The following RAB3IP variants were observed in gnomAD, a reference collection of about 807,000 sequenced individuals.
RAB3IP encodes the protein RAB3A interacting protein, also known as rab-3A-interacting protein.
In RAB3IP, 36 loss-of-function variants were observed where a neutral mutation model predicts 59.1. That is an observed-to-expected ratio of 0.61 (90% CI 0.47 to 0.80). The LOEUF is 0.80. RAB3IP is among the 30% of genes least tolerant of loss of function. RAB3IP has a pLI of 0.00. For missense variants in RAB3IP, 511 were observed against 536.0 expected (o/e 0.95, Z 0.46); for synonymous variants, 207 against 191.2 (o/e 1.08, Z -0.68).
chr12:69,755,271 G>T (rs1462416578), intron 1 of RAB3IP, 113 bp from the exon 2 acceptor site: 19 of 983,162 alleles, frequency 1.9e-5, no homozygotes, highest in Non-Finnish European at 2.8e-5. Context: ...CTCTTTTATT[G>T]TAAGCTTATA....
Position 69,817,956 on chromosome 12 carries a change from T to C in RAB3IP, c.*2510T>C, listed in dbSNP as rs1019157577. 1.3e-4 allele frequency: 20 copies of C among 152,278 alleles called. No homozygotes were observed. The highest frequency in any genetic ancestry group is 4.3e-4 in the African/African-American group (18 of 41,554). The allele number at this position is 152,278 out of a possible 1,614,324, so 9.4% of individuals were successfully genotyped here. Reference sequence around the variant, plus strand: ...GGCCTTCCACACAATTAGAAGTGCATGTGGGCCAATAAACATTAAGAGGTT... The same window carrying C: ...GGCCTTCCACACAATTAGAAGTGCACGTGGGCCAATAAACATTAAGAGGTT... On this transcript the variant is annotated 3_prime_UTR_variant, in exon 11 of 11. Coordinates refer to ENST00000247833, the MANE Select transcript of RAB3IP (RefSeq NM_022456.5).
At chr12:69,746,182 G>A (rs1868339590) in intron 1 of RAB3IP, among the ~76,000 whole-genome samples, 1 of 152,016 alleles carries the variant, frequency 6.6e-6, no homozygotes, top group Admixed American at 6.5e-5. Context: ...CATTGCCTTG[G>A]GAGTCATTTT....
In RAB3IP at chr12:69,794,526, C is replaced by T. The variant is rs1331880797; in HGVS notation, c.684+12C>T. 5 of 1,600,826 alleles carry T rather than the reference C, an allele frequency of 3.1e-6. No individual in the cohort carries two copies. The African/African-American group carries it at 4.0e-5, about 13-fold the overall frequency. Reference sequence around the variant, plus strand: ...AAGCACAAGGAAAAGTGAGTTTTTGCAGCTCTTAATAGTATAAAATAAATT... The same window carrying T: ...AAGCACAAGGAAAAGTGAGTTTTTGTAGCTCTTAATAGTATAAAATAAATT... On this transcript the variant is annotated intron_variant, in intron 5 of 10. Coordinates refer to ENST00000247833, the MANE Select transcript of RAB3IP (RefSeq NM_022456.5).
chr12:69,770,875 TA>T (rs1388787812), intron 3 of RAB3IP, among the ~76,000 whole-genome samples: 2 of 152,214 alleles, frequency 1.3e-5, no homozygotes, highest in African/African-American at 2.4e-5. Context: ...GATGAGACAT[TA>T]AAAATCTCTT....
chr12:69,768,780 G>A (rs997236798), intron 3 of RAB3IP, among the ~76,000 whole-genome samples: 1 of 152,102 alleles, frequency 6.6e-6, no homozygotes, highest in Non-Finnish European at 1.5e-5. Flanking sequence ...ACTTTCCACA[G>A]TTCTGCTTGT....
chr12:69,739,894 CTGAG>C (rs762173956), intron 1 of RAB3IP: 5 of 1,612,884 alleles, frequency 3.1e-6, no homozygotes, highest in Non-Finnish European at 4.2e-6. Context: ...GACACGAGCG[CTGAG>C]TTAGTTAGTA....
chr12:69,801,692 A>G lies in RAB3IP; in HGVS notation c.1101A>G (p.Lys367=). 1.9e-6 allele frequency: 3 copies of G among 1,612,730 alleles called. No homozygotes were observed. The highest frequency in any genetic ancestry group is 2.5e-6 in the Non-Finnish European group (3 of 1,179,088). The change falls in exon 8 of 11, where the codon AAA becomes AAG. Residue 367 remains lysine, a synonymous_variant. Transcript: ENST00000247833. ...GATTACAACCTATCCGGTTTGTGAA[A>G]GCTTCTGCAGTTGAATGCGGAGGAC... is the stretch of plus-strand genomic sequence containing the variant. ...PVGLQPIRFV[K]ASAVECGGPK... is the part of the protein sequence containing the mutation.
intron 1 of RAB3IP, among the ~76,000 whole-genome samples, chr12:69,754,697 T>C (rs1869905947): frequency 6.6e-6 from 1 of 152,232 alleles, no homozygotes; most frequent in South Asian, 2.1e-4. Context: ...TAGTTAGCTA[T>C]TTCACAATGT....
rs1489489796 is a variant in RAB3IP, at chr12:69,821,880, T to C, written c.*6434T>C. On this transcript the variant is annotated 3_prime_UTR_variant, in exon 11 of 11. Coordinates refer to ENST00000247833, the MANE Select transcript of RAB3IP (RefSeq NM_022456.5). Reference sequence around the variant, plus strand: ...GACACCAAGGCTAAGGGACCCACTTTACTCACTTATCTGCTGGGCCTTGGA... The same window carrying C: ...GACACCAAGGCTAAGGGACCCACTTCACTCACTTATCTGCTGGGCCTTGGA... 2 of 152,234 alleles carry C rather than the reference T, an allele frequency of 1.3e-5. No homozygotes were observed. Among genetic ancestry groups the C allele is most frequent in the African/African-American group, 4.8e-5 (2 of 41,468 alleles). The allele number at this position is 152,234 out of a possible 1,614,324, so 9.4% of individuals were successfully genotyped here.
At position 69,768,044 on chromosome 12, in the gene RAB3IP, G is replaced by C. The variant is rs190201304; in HGVS notation, c.510+11381G>C. Among the ~76,000 whole-genome samples the C allele has an allele frequency of 2.0e-5, 3 of 152,024 alleles. No individual in the cohort carries two copies. The East Asian group carries it at 5.8e-4, about 30-fold the overall frequency. Reference sequence around the variant, plus strand: ...CTCCACCAGGATATCTGCACAGGAAGGGTGGTGGAGCAGCTCAAGCTTCTG... The same window carrying C: ...CTCCACCAGGATATCTGCACAGGAACGGTGGTGGAGCAGCTCAAGCTTCTG... On this transcript the variant is annotated intron_variant, in intron 3 of 10. Transcript: ENST00000247833.
At chr12:69,814,562 TC>T (rs1565936944) in intron 10 of RAB3IP, among the ~76,000 whole-genome samples, 1 of 151,958 alleles carries the variant, frequency 6.6e-6, no homozygotes, top group Non-Finnish European at 1.5e-5. Context: ...TTTAATAGCA[TC>T]CCTAGCTTTT....
intron 1 of RAB3IP, among the ~76,000 whole-genome samples, chr12:69,748,229 A>G (rs1868665066): frequency 6.6e-6 from 1 of 152,128 alleles, no homozygotes; most frequent in Non-Finnish European, 1.5e-5. Context: ...AAATATGTAT[A>G]TGCATTTTAT....
rs149205739 is a variant in RAB3IP, at chr12:69,753,496, G to A, written c.-25-1888G>A. On this transcript the variant is annotated intron_variant, in intron 1 of 10. Coordinates refer to ENST00000247833, the MANE Select transcript of RAB3IP (RefSeq NM_022456.5). ...TTCCGAGATCTGGGATTATAGGCAT[G>A]GGCCACCATGCCCAGCTAATTTTTG... Among the ~76,000 whole-genome samples, 438 of 152,142 alleles carry A rather than the reference G, an allele frequency of 2.9e-3. 1 individual carries two copies. The highest frequency in any genetic ancestry group is 4.8e-3 in the Non-Finnish European group (324 of 67,976).
At position 69,739,030 on chromosome 12, in the gene RAB3IP, A is replaced by C. The variant is rs1886968798; in HGVS notation, c.-27A>C. 6.6e-6 allele frequency: 1 copy of C among 152,006 alleles called. No individual in the cohort carries two copies. Among genetic ancestry groups the C allele is most frequent in the South Asian group, 2.1e-4 (1 of 4,836 alleles). The allele number at this position is 152,006 out of a possible 1,614,324, so 9.4% of individuals were successfully genotyped here. A position where few individuals can be genotyped will look rare whatever the true frequency, so the allele number is the denominator to read the frequency against. On this transcript the variant is annotated splice_region_variant and 5_prime_UTR_variant, in exon 1 of 11. Transcript: ENST00000247833. ...CGGCAGCGGCCGCGGTGGGTTCTTCAGGTGAGTGCGGCCGCGGGAGGGAGA... is the reference window on the plus strand; with the variant it reads ...CGGCAGCGGCCGCGGTGGGTTCTTCCGGTGAGTGCGGCCGCGGGAGGGAGA...
At chr12:69,752,416 C>T (rs780504842) in intron 1 of RAB3IP, among the ~76,000 whole-genome samples, 1 of 151,824 alleles carries the variant, frequency 6.6e-6, no homozygotes, top group African/African-American at 2.4e-5. Context: ...GGTATATCTT[C>T]GATGTCACTT....
At chr12:69,754,358 CACACACACACACTG>C in intron 1 of RAB3IP, among the ~76,000 whole-genome samples, 1 of 151,908 alleles carries the variant, frequency 6.6e-6, no homozygotes, top group South Asian at 2.1e-4. Flanking sequence ...CACACACACA[CACACACACACACTG>C]TGTATATGTA....
At chr12:69,757,941 ATC>A (rs1222679184) in intron 3 of RAB3IP, among the ~76,000 whole-genome samples, 1 of 152,228 alleles carries the variant, frequency 6.6e-6, no homozygotes, top group Non-Finnish European at 1.5e-5. Context: ...TTCCTTTGAA[ATC>A]TCTAATATGC....
At chr12:69,756,755 A>G (rs1408840177) in intron 3 of RAB3IP, 92 bp downstream of exon 3, 5 of 1,020,072 alleles carry the variant, frequency 4.9e-6, no homozygotes, top group African/African-American at 4.9e-5. Context: ...TGAAATCATG[A>G]TGGTTGTACA....
chr12:69,755,813 T>G (rs1404633174), intron 2 of RAB3IP, among the ~76,000 whole-genome samples, 154 bp downstream of exon 2: 2 of 152,168 alleles, frequency 1.3e-5, no homozygotes. Context: ...TAGAACAGGG[T>G]TGACAAACTT....
Sources: allele counts gnomAD v4.1 joint callset (sites outside exome capture counted in the v4.1 genomes callset), GRCh38; gene constraint gnomAD v4.1.1; transcripts MANE v1.5; gene names NCBI Gene and HGNC (gene_info 2026-07-23, HGNC 2026-07-21).